Variants in STAG1 observed in about 807,000 individuals in gnomAD.
The protein encoded by STAG1 is cohesin subunit SA-1.
Under a neutral mutation model 170.9 loss-of-function variants are expected in STAG1, and 26 were observed. That is an observed-to-expected ratio of 0.15 (90% CI 0.11 to 0.21). The LOEUF is 0.21. Among genes scored for constraint, STAG1 ranks in the 10% least tolerant of loss-of-function variants. STAG1 has a pLI of 1.00. For synonymous variants in STAG1, 514 were observed against 497.7 expected (o/e 1.03, Z -0.44); for missense variants, 964 against 1,509.5 (o/e 0.64, Z 5.99).
Position 136,337,411 on chromosome 3 carries a change from G to A in STAG1, c.*843C>T, listed in dbSNP as rs1935727537. 7.9e-5 allele frequency: 12 copies of A among 152,576 alleles called. No individual in the cohort carries two copies. 9.5% of individuals were successfully genotyped at this position (152,576 alleles called of 1,614,324 possible). On this transcript the variant is annotated 3_prime_UTR_variant, in exon 34 of 34. Transcript: ENST00000383202. ...ACTTGAGAATCATTTTCGTTTTACTGAGAATACTTTATTTGCTGGTAGAAG... is the reference window on the plus strand; with the variant it reads ...ACTTGAGAATCATTTTCGTTTTACTAAGAATACTTTATTTGCTGGTAGAAG...
At chr3:136,466,291 C>T (rs575183447) in intron 12 of STAG1, among the ~76,000 whole-genome samples, 32 of 151,976 alleles carry the variant, frequency 2.1e-4, no homozygotes, top group African/African-American at 3.9e-4. Flanking sequence ...GAATAACCAG[C>T]GTAGAGAAGT....
intron 1 of STAG1, among the ~76,000 whole-genome samples, chr3:136,726,455 G>A (rs1418288184): frequency 2.6e-5 from 4 of 152,186 alleles, no homozygotes; most frequent in African/African-American, 9.7e-5. Context: ...AGACAGTCTT[G>A]TTCTGTCACC....
At chr3:136,424,215 T>A (rs192529363) in intron 16 of STAG1, among the ~76,000 whole-genome samples, 22 of 152,260 alleles carry the variant, frequency 1.4e-4, no homozygotes, top group East Asian at 5.8e-4. Context: ...GGGAACTACA[T>A]GTATGTCTAG....
intron 4 of STAG1, among the ~76,000 whole-genome samples, chr3:136,585,443 A>G (rs1278969550): frequency 9.9e-5 from 15 of 152,016 alleles, no homozygotes. Context: ...CTCCATCTCA[A>G]AACAAACAAA....
chr3:136,470,878 C>A (rs748446838), intron 12 of STAG1, among the ~76,000 whole-genome samples: 1 of 151,166 alleles, frequency 6.6e-6, no homozygotes, highest in Non-Finnish European at 1.5e-5. Flanking sequence ...GAAACTATCA[C>A]AAGGACAAAA....
At chr3:136,396,486 G>A (rs2087160151) in intron 22 of STAG1, among the ~76,000 whole-genome samples, 2 of 135,296 alleles carry the variant, frequency 1.5e-5, no homozygotes, top group Non-Finnish European at 3.1e-5. Context: ...CTCCCAAAGT[G>A]TTGGGATTAC....
chr3:136,751,730 G>T (rs1320992132), intron 1 of STAG1, among the ~76,000 whole-genome samples: 1 of 151,884 alleles, frequency 6.6e-6, no homozygotes, highest in South Asian at 2.1e-4. Context: ...AACGCAGGTC[G>T]GCAGGCGGCG....
rs893789841 is a variant in STAG1 at position 136,537,274 on chromosome 3, C to T, written c.471+4845G>A. ...TCTACAAAAAGAAAGAAATTAATTG[C>T]TGCTAATATTTAATATACAGAATAA... On this transcript the variant is annotated intron_variant, in intron 6 of 33. Transcript: ENST00000383202. Among the ~76,000 whole-genome samples, 15 of 152,124 alleles carry T rather than the reference C, an allele frequency of 9.9e-5. No homozygotes were observed. In the East Asian group the frequency reaches 1.2e-3, roughly 12 times the overall value.
intron 5 of STAG1, 136 bp from the exon 6 acceptor site, chr3:136,542,331 A>C: frequency 1.5e-6 from 1 of 665,886 alleles, no homozygotes; most frequent in Admixed American, 3.0e-5. Context: ...TTAAAACATA[A>C]AATGTTGTTT....
chr3:136,713,885 T>C (rs1400091039), intron 1 of STAG1, among the ~76,000 whole-genome samples: 1 of 151,952 alleles, frequency 6.6e-6, no homozygotes, highest in African/African-American at 2.4e-5. Flanking sequence ...TAGCTGGGCA[T>C]GGTGGCAGGC....
intron 3 of STAG1, among the ~76,000 whole-genome samples, chr3:136,611,685 T>TG (rs1418995548): frequency 1.7e-5 from 2 of 120,562 alleles, no homozygotes; most frequent in Admixed American, 8.5e-5. Flanking sequence ...TTTTTTTTTT[T>TG]GGTACAGATG....
intron 22 of STAG1, among the ~76,000 whole-genome samples, chr3:136,381,037 G>GAAAAA (rs58810961): frequency 4.8e-5 from 5 of 105,040 alleles, no homozygotes; most frequent in Admixed American, 9.3e-5. Context: ...AAAAAAAAAA[G>GAAAAA]AAAAAAAAAA....
intron 20 of STAG1, among the ~76,000 whole-genome samples, chr3:136,420,820 G>C (rs550290254): frequency 6.6e-6 from 1 of 152,306 alleles, no homozygotes; most frequent in South Asian, 2.1e-4. Context: ...TGTTGCCCAG[G>C]CTAGAGTGCA....
At chr3:136,343,366 A>T (rs1304202561) in intron 30 of STAG1, among the ~76,000 whole-genome samples, 1 of 152,260 alleles carries the variant, frequency 6.6e-6, no homozygotes, top group Middle Eastern at 3.2e-3. Context: ...TTATCAAGTA[A>T]GATCTTAAAA....
intron 9 of STAG1, among the ~76,000 whole-genome samples, chr3:136,495,570 T>C (rs1225788943): frequency 1.3e-5 from 2 of 152,098 alleles, no homozygotes; most frequent in Non-Finnish European, 2.9e-5. Flanking sequence ...CGGTGGCTCA[T>C]GTCTGTAATC....
In STAG1 at chr3:136,336,985, A is replaced by AAAAC. The variant is rs1935704781; in HGVS notation, c.*1265_*1268dup. On this transcript the variant is annotated 3_prime_UTR_variant, in exon 34 of 34. Coordinates refer to ENST00000383202, the MANE Select transcript of STAG1 (RefSeq NM_005862.3). ...AAGAGAGAGACTAAGTGGGGTTTTT[A>AAAAC]AAACAATAGCAGCAAGTCATAAAAG... The AAAAC allele has an allele frequency of 6.6e-6, 1 of 152,292 alleles. No homozygotes were observed. The highest frequency in any genetic ancestry group is 2.4e-5 in the African/African-American group (1 of 41,444). 9.4% of individuals were successfully genotyped at this position (152,292 alleles called of 1,614,324 possible). A position where few individuals can be genotyped will look rare whatever the true frequency, so the allele number is the denominator to read the frequency against.
At chr3:136,377,407 T>TAAAAAAAAAAAAAAAA (rs1576406382) in intron 23 of STAG1, among the ~76,000 whole-genome samples, 2 of 34,608 alleles carry the variant, frequency 5.8e-5, no homozygotes, top group African/African-American at 1.0e-4. Context: ...AAAAAAAAAG[T>TAAAAAAAAAAAAAAAA]CTACATTTCA....
At chr3:136,445,363 G>A (rs950587193) in intron 14 of STAG1, among the ~76,000 whole-genome samples, 4 of 152,068 alleles carry the variant, frequency 2.6e-5, no homozygotes, top group African/African-American at 7.2e-5. Context: ...AAGAGTCAAA[G>A]ATGAACAATG....
chr3:136,675,541 A>T (rs1001541914), intron 1 of STAG1, among the ~76,000 whole-genome samples: 2 of 152,150 alleles, frequency 1.3e-5, no homozygotes, highest in South Asian at 2.1e-4. Context: ...TCATTTTTTT[A>T]AAGTTGAGAT....
Sources: gnomAD v4.1 joint callset for allele counts (sites outside exome capture counted in the v4.1 genomes callset) on GRCh38, gnomAD v4.1.1 for gene constraint, MANE v1.5 for transcripts, NCBI Gene and HGNC (gene_info 2026-07-23, HGNC 2026-07-21) for gene names.